The following LRBA variants were observed in gnomAD, a reference collection of about 807,000 sequenced individuals.
LRBA encodes LPS responsive beige-like anchor protein.
LRBA carries 176 observed loss-of-function variants against 330.0 expected under a neutral mutation model. The ratio of observed to expected loss-of-function variants is 0.53; its 90% CI spans 0.47 to 0.60. The LOEUF (loss-of-function observed/expected upper bound fraction) is 0.60. LRBA is among the 20% of genes least tolerant of loss of function. The pLI, the probability that LRBA is intolerant of heterozygous loss-of-function variation, is 0.00. For missense variants in LRBA, 3,259 were observed against 3,444.8 expected (o/e 0.95, Z 1.35); for synonymous variants, 1,230 against 1,193.0 (o/e 1.03, Z -0.64).
intron 33 of LRBA, among the ~76,000 whole-genome samples, chr4:150,805,610 G>GGAAAGGAAAGGAAAGGAAAGGAAAA (rs1742666237): frequency 2.6e-5 from 3 of 115,182 alleles, no homozygotes; most frequent in African/African-American, 1.2e-4. Flanking sequence ...GGAAAAGAAA[G>GGAAAGGAAAGGAAAGGAAAGGAAAA]GAAAGGAAAG....
At chr4:150,839,857 G>A (rs1037935618) in intron 28 of LRBA, among the ~76,000 whole-genome samples, 11 of 151,466 alleles carry the variant, frequency 7.3e-5, no homozygotes, top group Admixed American at 6.6e-4. Flanking sequence ...TGCACGTTGT[G>A]CACATGTACC....
At chr4:150,751,888 T>G (rs910392486) in intron 35 of LRBA, among the ~76,000 whole-genome samples, 2 of 152,144 alleles carry the variant, frequency 1.3e-5, no homozygotes, top group African/African-American at 4.8e-5. Context: ...GTCTAGACCT[T>G]GGGTAAGCAC....
At position 150,831,920 on chromosome 4, in the gene LRBA, A is replaced by C. The variant is rs765420759; in HGVS notation, c.4626T>G (p.Val1542=). 1.5e-5 allele frequency: 24 copies of C among 1,601,094 alleles called. No homozygotes were observed. The highest frequency in any genetic ancestry group is 2.0e-5 in the Non-Finnish European group (24 of 1,172,936). Residue 1542 remains valine (V), a synonymous_variant, in exon 29 of 57, where the codon GTT becomes GTG. Transcript: ENST00000651943. Reference sequence around the variant, plus strand: ...TGTCTCTGTACTTGGAGACCATAAGAACAGAGATAAAGTATACTACTGCCA... The same window carrying C: ...TGTCTCTGTACTTGGAGACCATAAGCACAGAGATAAAGTATACTACTGCCA... ...LALAVVYFIS[V]LMVSKYRDIL...
chr4:150,640,323 C>T (rs975100476), intron 37 of LRBA, among the ~76,000 whole-genome samples: 2 of 152,112 alleles, frequency 1.3e-5, no homozygotes, highest in African/African-American at 2.4e-5. Context: ...ATACCTCTAT[C>T]AGTCTGATTT....
intron 44 of LRBA, among the ~76,000 whole-genome samples, chr4:150,440,991 T>C (rs1581320147): frequency 6.6e-6 from 1 of 152,090 alleles, no homozygotes; most frequent in Non-Finnish European, 1.5e-5. Context: ...ACTTGTAAAA[T>C]TGGTTTTGTA....
chr4:150,470,009 C>A (rs1755894874), intron 43 of LRBA, among the ~76,000 whole-genome samples: 1 of 151,982 alleles, frequency 6.6e-6, no homozygotes, highest in Non-Finnish European at 1.5e-5. Flanking sequence ...ATGGTGAAAC[C>A]CCGTCTCTAC....
intron 47 of LRBA, among the ~76,000 whole-genome samples, chr4:150,397,972 C>T (rs756325525): frequency 1.3e-4 from 20 of 152,046 alleles, no homozygotes; most frequent in South Asian, 4.1e-4. Flanking sequence ...TTAAACAAAG[C>T]GAAATATAAA....
At chr4:150,924,753 A>T (rs1383758493) in intron 4 of LRBA, among the ~76,000 whole-genome samples, 1 of 152,230 alleles carries the variant, frequency 6.6e-6, no homozygotes, top group Non-Finnish European at 1.5e-5. Context: ...TATCTGAGCA[A>T]GGCCTTGCTC....
intron 40 of LRBA, chr4:150,580,448 A>G (rs146956165): frequency 6.6e-6 from 1 of 152,276 alleles, no homozygotes; most frequent in Admixed American, 6.5e-5. Flanking sequence ...TAACTTCCCT[A>G]TGCAATTCAA....
At chr4:150,513,220 C>A (rs748741547) in intron 40 of LRBA, among the ~76,000 whole-genome samples, 1 of 152,158 alleles carries the variant, frequency 6.6e-6, no homozygotes, top group African/African-American at 2.4e-5. Context: ...TTCTGCAGAT[C>A]TTAGAGGAAA....
chr4:150,642,980 T>C (rs1379987016), intron 37 of LRBA, among the ~76,000 whole-genome samples: 1 of 151,930 alleles, frequency 6.6e-6, no homozygotes, highest in Non-Finnish European at 1.5e-5. Flanking sequence ...ATTAATATTC[T>C]AGTGATTTGT....
intron 30 of LRBA, among the ~76,000 whole-genome samples, chr4:150,824,952 T>G (rs190857968): frequency 6.6e-6 from 1 of 151,910 alleles, no homozygotes; most frequent in Non-Finnish European, 1.5e-5. Context: ...TCTTTTTGTT[T>G]TAAAATCTCA....
At chr4:150,762,632 C>CGT (rs1036670676) in intron 34 of LRBA, among the ~76,000 whole-genome samples, 7 of 151,312 alleles carry the variant, frequency 4.6e-5, no homozygotes, top group Non-Finnish European at 7.4e-5. Flanking sequence ...TGTGTATGTG[C>CGT]GTGTGTGTGT....
chr4:150,963,054 T>C, intron 2 of LRBA, among the ~76,000 whole-genome samples: 1 of 144,966 alleles, frequency 6.9e-6, no homozygotes, highest in Non-Finnish European at 1.5e-5. Context: ...GTCAAATCAA[T>C]CCCTTTAAAA....
intron 40 of LRBA, among the ~76,000 whole-genome samples, chr4:150,542,207 T>C (rs1210394506): frequency 3.3e-5 from 5 of 152,174 alleles, no homozygotes; most frequent in Admixed American, 3.3e-4. Flanking sequence ...TATCCTCTGG[T>C]TTCCTGCAGG....
At chr4:150,470,876 C>CACACACACACA (rs1554034850) in intron 43 of LRBA, among the ~76,000 whole-genome samples, 1 of 143,704 alleles carries the variant, frequency 7.0e-6, no homozygotes, top group African/African-American at 2.6e-5. Context: ...CACACACACA[C>CACACACACACA]CACACACTAA....
At chr4:150,900,246 A>T in intron 13 of LRBA, 29 bp from the exon 14 acceptor site, 1 of 1,551,328 alleles carries the variant, frequency 6.4e-7, no homozygotes, top group Non-Finnish European at 8.8e-7. Context: ...GAACTTAGAG[A>T]ACCCCACCAG....
chr4:150,661,396 G>A (rs1010983882), intron 37 of LRBA, among the ~76,000 whole-genome samples: 7 of 150,854 alleles, frequency 4.6e-5, no homozygotes, highest in Non-Finnish European at 1.5e-5. Flanking sequence ...GGGAAAGCCA[G>A]GAGGCGGAGG....
chr4:150,921,418 T>C, intron 4 of LRBA, 125 bp from the exon 5 acceptor site: 1 of 629,608 alleles, frequency 1.6e-6, no homozygotes, highest in Non-Finnish European at 2.8e-6. Context: ...GCATAGAAAA[T>C]AATTTCTAAG....
Sources: gnomAD v4.1 joint callset for allele counts (sites outside exome capture counted in the v4.1 genomes callset) on GRCh38, gnomAD v4.1.1 for gene constraint, MANE v1.5 for transcripts, NCBI Gene and HGNC (gene_info 2026-07-23, HGNC 2026-07-21) for gene names.